Variants in CMTM8 observed in about 807,000 individuals in gnomAD.
CMTM8 encodes CKLF like MARVEL transmembrane domain containing 8.
CMTM8 carries 12 observed loss-of-function variants against 18.6 expected under a neutral mutation model. The ratio of observed to expected loss-of-function variants is 0.65; its 90% confidence interval spans 0.41 to 1.05. The LOEUF (loss-of-function observed/expected upper bound fraction) is 1.05. CMTM8 is among the 50% of genes least tolerant of loss of function. The pLI is 0.00. For missense variants in CMTM8, 217 were observed against 227.2 expected, an observed-to-expected ratio of 0.95 and a Z score of 0.29; for synonymous variants, 87 against 90.6, an observed-to-expected ratio of 0.96 and a Z score of 0.23.
intron 1 of CMTM8, among the ~76,000 whole-genome samples, chr3:32,355,491 A>G (rs1460949047): frequency 6.6e-6 from 1 of 152,098 alleles, no homozygotes. Context: ...ACTTCTCGAT[A>G]TTCACTGCCA....
chr3:32,335,704 C>G (rs1575182199), intron 1 of CMTM8, among the ~76,000 whole-genome samples: 1 of 152,086 alleles, frequency 6.6e-6, no homozygotes, highest in East Asian at 1.9e-4. Flanking sequence ...GATTTAAGGC[C>G]CTCCCAAATT....
chr3:32,366,069 C>G (rs1253960525), intron 2 of CMTM8, among the ~76,000 whole-genome samples: 2 of 152,118 alleles, frequency 1.3e-5, no homozygotes, highest in East Asian at 1.9e-4. Context: ...CAGGCATTCC[C>G]CGGACATGTT....
chr3:32,271,763 T>C (rs1245973125), intron 1 of CMTM8, among the ~76,000 whole-genome samples: 1 of 152,246 alleles, frequency 6.6e-6, no homozygotes, highest in African/African-American at 2.4e-5. Context: ...GATCTTTAGC[T>C]GTCTTAACAT....
At chr3:32,359,806 C>T (rs538301085) in intron 2 of CMTM8, among the ~76,000 whole-genome samples, 1 of 152,214 alleles carries the variant, frequency 6.6e-6, no homozygotes, top group African/African-American at 2.4e-5. Flanking sequence ...TTTTAAAATG[C>T]TTTGATTTGC....
At chr3:32,274,136 C>A (rs191400742) in intron 1 of CMTM8, among the ~76,000 whole-genome samples, 1 of 151,820 alleles carries the variant, frequency 6.6e-6, no homozygotes, top group Non-Finnish European at 1.5e-5. Flanking sequence ...ATGGCAAGAC[C>A]CGGTCTCTAC....
intron 1 of CMTM8, among the ~76,000 whole-genome samples, chr3:32,285,676 C>T (rs1702669855): frequency 1.3e-5 from 2 of 152,138 alleles, no homozygotes; most frequent in African/African-American, 2.4e-5. Context: ...GGATGTATAA[C>T]ACCTCTCTGC....
At chr3:32,334,505 C>T (rs1696347521) in intron 1 of CMTM8, among the ~76,000 whole-genome samples, 1 of 151,518 alleles carries the variant, frequency 6.6e-6, no homozygotes, top group Non-Finnish European at 1.5e-5. Context: ...ACTCGGGAGG[C>T]TGAGGCAAGA....
chr3:32,301,615 C>CTGCA (rs962435371), intron 1 of CMTM8, among the ~76,000 whole-genome samples: 1 of 151,830 alleles, frequency 6.6e-6, no homozygotes, highest in Non-Finnish European at 1.5e-5. Context: ...CTTGATCAAG[C>CTGCA]TGCAGTATGA....
intron 1 of CMTM8, among the ~76,000 whole-genome samples, chr3:32,267,376 G>T (rs1340228404): frequency 2.0e-5 from 3 of 152,198 alleles, no homozygotes; most frequent in Non-Finnish European, 4.4e-5. Flanking sequence ...AATAAATGGT[G>T]CTGGGAAAAC....
At chr3:32,289,050 A>G (rs199844539) in intron 1 of CMTM8, among the ~76,000 whole-genome samples, 1 of 152,284 alleles carries the variant, frequency 6.6e-6, no homozygotes, top group East Asian at 1.9e-4. Context: ...AGGGGCCAGG[A>G]AGGCAGAATA....
At chr3:32,293,706 T>G (rs566420640) in intron 1 of CMTM8, among the ~76,000 whole-genome samples, 2 of 151,956 alleles carry the variant, frequency 1.3e-5, no homozygotes, top group South Asian at 4.2e-4. Flanking sequence ...ATTAGCCAGG[T>G]GTAGTGGCAC....
At chr3:32,330,675 AAT>A in intron 1 of CMTM8, among the ~76,000 whole-genome samples, 1 of 152,302 alleles carries the variant, frequency 6.6e-6, no homozygotes, top group East Asian at 1.9e-4. Flanking sequence ...ATTTATGGAT[AAT>A]AGATCACTTT....
At chr3:32,324,130 C>A (rs912498015) in intron 1 of CMTM8, among the ~76,000 whole-genome samples, 1 of 152,160 alleles carries the variant, frequency 6.6e-6, no homozygotes, top group African/African-American at 2.4e-5. Context: ...TCTGTTTGAA[C>A]CCCTTTGTTA....
At chr3:32,259,946 C>T in intron 1 of CMTM8, 2 of 1,144,068 alleles carry the variant, frequency 1.7e-6, no homozygotes, top group Non-Finnish European at 2.6e-6. Flanking sequence ...GCAGATAGAG[C>T]AGCTCAACGG....
intron 1 of CMTM8, among the ~76,000 whole-genome samples, chr3:32,257,889 G>T (rs559572828): frequency 5.3e-5 from 8 of 152,156 alleles, no homozygotes; most frequent in African/African-American, 1.9e-4. Context: ...TGCATCTGGT[G>T]GTTTTTCAGA....
chr3:32,315,480 C>A (rs1695909174), intron 1 of CMTM8, among the ~76,000 whole-genome samples: 1 of 152,178 alleles, frequency 6.6e-6, no homozygotes, highest in Admixed American at 6.5e-5. Context: ...CACTGAACCA[C>A]AAAACGGGGC....
chr3:32,255,343 C>T (rs972780577), intron 1 of CMTM8, among the ~76,000 whole-genome samples: 1 of 152,140 alleles, frequency 6.6e-6, no homozygotes, highest in African/African-American at 2.4e-5. Flanking sequence ...TGAGGAACTG[C>T]CAGACTATTT....
intron 1 of CMTM8, among the ~76,000 whole-genome samples, chr3:32,297,530 G>A (rs964008921): frequency 1.3e-5 from 2 of 149,504 alleles, no homozygotes; most frequent in Non-Finnish European, 3.0e-5. Flanking sequence ...CAACATTTGT[G>A]ACTAAAGCTC....
At chr3:32,261,833 C>T (rs768629491) in intron 1 of CMTM8, among the ~76,000 whole-genome samples, 1 of 152,208 alleles carries the variant, frequency 6.6e-6, no homozygotes, top group South Asian at 2.1e-4. Context: ...TCTGTACACA[C>T]CCATGAGATT....
Sources: gnomAD v4.1 joint callset for allele counts (sites outside exome capture counted in the v4.1 genomes callset) on GRCh38, gnomAD v4.1.1 for gene constraint, MANE v1.5 for transcripts, NCBI Gene and HGNC (gene_info 2026-07-23, HGNC 2026-07-21) for gene names.